The following ARMCX4 variants were observed in gnomAD, a reference collection of about 807,000 sequenced individuals.
The protein encoded by ARMCX4 is armadillo repeat containing X-linked 4.
In ARMCX4, 3 loss-of-function variants were observed where a neutral mutation model predicts 34.7. That is an observed-to-expected ratio of 0.09 (90% CI 0.04 to 0.22). The LOEUF (loss-of-function observed/expected upper bound fraction) is 0.22. Among genes scored for constraint, ARMCX4 ranks in the 10% least tolerant of loss-of-function variants. The pLI is 1.00. For missense variants in ARMCX4, 1,448 were observed against 1,720.8 expected (o/e 0.84, Z 2.81); for synonymous variants, 513 against 632.8 (o/e 0.81, Z 2.84).
rs373826132 is a variant in ARMCX4, at chrX:101,526,016, C to T, written c.*1781-5628C>T. The stretch of plus-strand genomic sequence containing the variant: ...AGATACTCCTCAAGAAGAGCAACCC[C>T]AAGACACATAATTGTCAGATTCACC... On this transcript the variant is annotated intron_variant and NMD_transcript_variant, in intron 11 of 12. Coordinates refer to the ARMCX4 transcript ENST00000354842. 5.7e-3 allele frequency among the ~76,000 whole-genome samples: 632 copies of T among 110,635 alleles called. 7 individuals carry two copies. The highest frequency in any genetic ancestry group is 0.02 in the African/African-American group (611 of 30,362).
intron 4 of ARMCX4, among the ~76,000 whole-genome samples, chrX:101,458,712 C>A (rs1336614225): frequency 9.0e-6 from 1 of 110,763 alleles, no homozygotes; most frequent in African/African-American, 3.3e-5. Flanking sequence ...GTCTCGAACT[C>A]CTGAACTCAG....
rs187230856 is a variant in ARMCX4, at chrX:101,431,735, G to C, written n.165-12317G>C. Among the ~76,000 whole-genome samples, 83 of 111,159 alleles carry C rather than the reference G, an allele frequency of 7.5e-4. 2 individuals carry two copies. In the East Asian group the frequency reaches 0.023, roughly 31 times the overall value. ...ATTTTTTGTATTTTTAATAGAGATG[G>C]GGTTTCATTGTGTTAGCCAGGATGG... On this transcript the variant is annotated intron_variant and non_coding_transcript_variant, in intron 2 of 3. Transcript: ENST00000430461.
At chrX:101,448,479 C>T (rs1271158202), downstream of ARMCX4, among the ~76,000 whole-genome samples, 1 of 112,407 alleles carries the variant, frequency 8.9e-6, no homozygotes, top group African/African-American at 3.2e-5. Context: ...CAAGGGTTCC[C>T]TTTTCTCCAC....
At chrX:101,457,997 C>T (rs1556000576) in intron 4 of ARMCX4, among the ~76,000 whole-genome samples, 2 of 110,855 alleles carry the variant, frequency 1.8e-5, no homozygotes, top group African/African-American at 6.6e-5. Context: ...CAGCTTCGGC[C>T]TCCCAAAGTG....
At chrX:101,474,287 T>TTGTGGC (rs1933063481) in intron 4 of ARMCX4, among the ~76,000 whole-genome samples, 1 of 94,686 alleles carries the variant, frequency 1.1e-5, no homozygotes, top group Non-Finnish European at 2.1e-5. Context: ...AATAGACCAA[T>TTGTGGC]AACAGGAGCT....
upstream of ARMCX4, among the ~76,000 whole-genome samples, chrX:101,483,925 A>G (rs1933580616): frequency 9.0e-6 from 1 of 111,226 alleles, no homozygotes; most frequent in Admixed American, 9.5e-5. Flanking sequence ...TCTAAGAAAG[A>G]GGCTGCCTGG....
intron 2 of ARMCX4, among the ~76,000 whole-genome samples, chrX:101,435,717 C>T (rs1930701307): frequency 1.8e-5 from 2 of 109,555 alleles, no homozygotes; most frequent in African/African-American, 6.6e-5. Context: ...AAGTCCTTGC[C>T]CATGCCTATG....
At chrX:101,419,757 C>T (rs782318475) in intron 2 of ARMCX4, among the ~76,000 whole-genome samples, 2 of 111,186 alleles carry the variant, frequency 1.8e-5, no homozygotes, top group East Asian at 2.9e-4. Context: ...CTGCCTTGAG[C>T]GAGAATCCTG....
At position 101,489,647 on chromosome X, in the gene ARMCX4, G is replaced by T. The variant is rs1556008028; in HGVS notation, c.1058G>T (p.Gly353Val). The change falls in exon 6 of 6, where the codon GGG becomes GTG. Residue 353 changes from glycine (G) to valine (V), a missense_variant. Gly to Val is a moderately radical substitution (Grantham distance 109). Coordinates refer to ENST00000423738, the MANE Select transcript of ARMCX4 (RefSeq NM_001256155.3). The stretch of plus-strand genomic sequence containing the variant: ...AATGCCATGTGTAAGGTGGGGGCAG[G>T]GGCAGATGTGAGAGCTTGTATACAA... ...NTNAMCKVGA[G>V]ADVRACIQPQ... 8.7e-7 allele frequency: 1 copy of T among 1,154,915 alleles called. No homozygotes were observed. Among genetic ancestry groups the T allele is most frequent in the Non-Finnish European group, 1.1e-6 (1 of 872,584 alleles).
intron 4 of ARMCX4, among the ~76,000 whole-genome samples, chrX:101,458,774 A>T (rs1368950796): frequency 8.9e-6 from 1 of 112,136 alleles, no homozygotes; most frequent in Admixed American, 9.5e-5. Flanking sequence ...GGCGTAAGCC[A>T]CTGTGCCCGG....
intron 2 of ARMCX4, among the ~76,000 whole-genome samples, chrX:101,420,178 T>C (rs1929151017): frequency 9.0e-6 from 1 of 111,086 alleles, no homozygotes; most frequent in Admixed American, 9.6e-5. Flanking sequence ...GCCAACATGG[T>C]GAAACCCCCA....
chrX:101,518,522 G>A (rs1367302281), intron 11 of ARMCX4, among the ~76,000 whole-genome samples: 3 of 110,726 alleles, frequency 2.7e-5, no homozygotes, highest in African/African-American at 6.5e-5. Flanking sequence ...AAAACTAAAA[G>A]GAGCAATACG....
intron 11 of ARMCX4, among the ~76,000 whole-genome samples, chrX:101,529,157 C>G (rs1935058688): frequency 9.0e-6 from 1 of 111,097 alleles, no homozygotes. Context: ...TGGAACAGAA[C>G]AGAGCCCTCA....
At position 101,494,225 on chromosome X, in the gene ARMCX4, C is replaced by G; in HGVS notation, c.5636C>G (p.Ala1879Gly). 1 of 1,152,695 alleles carries G rather than the reference C, an allele frequency of 8.7e-7. No homozygotes were observed. Among genetic ancestry groups the G allele is most frequent in the Admixed American group, 2.6e-5 (1 of 38,615 alleles). The allele number at this position is 1,152,695 out of a possible 1,213,427, so 95.0% of individuals were successfully genotyped here. A position where few individuals can be genotyped will look rare whatever the true frequency, so the allele number is the denominator to read the frequency against. The change falls in exon 6 of 6, where the codon GCT becomes GGT. Residue 1879 changes from alanine to glycine, a missense_variant. Transcript: ENST00000423738. Reference protein sequence around the residue: ...EEAGVESWTLARNVGEDELSR... With the variant: ...EEAGVESWTLGRNVGEDELSR... The stretch of plus-strand genomic sequence containing the variant: ...GCTGGTGTAGAGTCCTGGACCTTGG[C>G]TAGGAATGTGGGAGAGGATGAGCTA...
chrX:101,432,827 C>A (rs1457783122), intron 2 of ARMCX4, among the ~76,000 whole-genome samples: 1 of 97,654 alleles, frequency 1.0e-5, no homozygotes, highest in African/African-American at 3.8e-5. Context: ...TATGTATATA[C>A]GTGTATATAT....
At chrX:101,432,260 G>C (rs782030804) in intron 2 of ARMCX4, among the ~76,000 whole-genome samples, 1 of 111,469 alleles carries the variant, frequency 9.0e-6, no homozygotes, top group African/African-American at 3.3e-5. Flanking sequence ...GGACTGAAGC[G>C]AAGATGAGTC....
At chrX:101,428,341 A>G (rs781839746) in intron 2 of ARMCX4, among the ~76,000 whole-genome samples, 1 of 112,327 alleles carries the variant, frequency 8.9e-6, no homozygotes, top group African/African-American at 3.2e-5. Flanking sequence ...ATTAATATAC[A>G]TTTTCAGTAC....
intron 2 of ARMCX4, among the ~76,000 whole-genome samples, chrX:101,433,237 T>C (rs1427419839): frequency 3.4e-4 from 9 of 26,470 alleles, no homozygotes; most frequent in African/African-American, 4.0e-4. Context: ...TATGTACACA[T>C]ATGTATATAT....
intron 3 of ARMCX4, among the ~76,000 whole-genome samples, chrX:101,444,691 T>C (rs190437869): frequency 8.9e-6 from 1 of 112,325 alleles, no homozygotes; most frequent in Non-Finnish European, 1.9e-5. Flanking sequence ...TCTGCAGCTT[T>C]ATTAAGGTAT....
Sources: gnomAD v4.1 joint callset for allele counts (sites outside exome capture counted in the v4.1 genomes callset) on GRCh38, gnomAD v4.1.1 for gene constraint, MANE v1.5 for transcripts, NCBI Gene and HGNC (gene_info 2026-07-23, HGNC 2026-07-21) for gene names.